The following MACROD2 variants were observed in gnomAD, a reference collection of about 807,000 sequenced individuals.
The protein encoded by MACROD2 is mono-ADP ribosylhydrolase 2.
A neutral mutation model predicts 70.4 loss-of-function variants in MACROD2; 36 were observed. The ratio of observed to expected loss-of-function variants is 0.51; its 90% CI spans 0.39 to 0.68. The LOEUF (loss-of-function observed/expected upper bound fraction) is 0.68. MACROD2 is among the 30% of genes least tolerant of loss of function. MACROD2 has a pLI of 0.00. For missense variants in MACROD2, 496 were observed against 538.4 expected (o/e 0.92, Z 0.78); for synonymous variants, 172 against 178.8 (o/e 0.96, Z 0.30).
chr20:14,573,094 T>C (rs1391042506), intron 4 of MACROD2, among the ~76,000 whole-genome samples: 2 of 151,832 alleles, frequency 1.3e-5, no homozygotes, highest in African/African-American at 4.8e-5. Flanking sequence ...GTGTGTGATA[T>C]GAAGGTGTTG....
At chr20:15,386,139 G>T (rs1023652361) in intron 6 of MACROD2, among the ~76,000 whole-genome samples, 6 of 152,136 alleles carry the variant, frequency 3.9e-5, no homozygotes, top group African/African-American at 1.4e-4. Context: ...TAATTCCTCT[G>T]TTTTTCTTCT....
At chr20:15,332,551 C>T (rs886503582) in intron 6 of MACROD2, among the ~76,000 whole-genome samples, 4 of 151,404 alleles carry the variant, frequency 2.6e-5, no homozygotes, top group Non-Finnish European at 5.9e-5. Flanking sequence ...TACAAATGTA[C>T]AGTATTCACA....
At chr20:15,360,604 A>G (rs1568748133) in intron 6 of MACROD2, among the ~76,000 whole-genome samples, 1 of 152,214 alleles carries the variant, frequency 6.6e-6, no homozygotes, top group East Asian at 1.9e-4. Context: ...TTGCTGCTTC[A>G]TATGATAAGT....
At chr20:15,226,540 C>G (rs1307030428) in intron 5 of MACROD2, among the ~76,000 whole-genome samples, 1 of 151,566 alleles carries the variant, frequency 6.6e-6, no homozygotes, top group East Asian at 1.9e-4. Context: ...TTTAATAAAA[C>G]ATAAATCAAT....
intron 2 of MACROD2, among the ~76,000 whole-genome samples, chr20:14,080,110 G>A (rs1265555953): frequency 6.6e-6 from 1 of 152,086 alleles, no homozygotes; most frequent in Non-Finnish European, 1.5e-5. Flanking sequence ...AAATATGGTA[G>A]TGCTTGGCTT....
chr20:14,852,397 T>C (rs2073209024), intron 5 of MACROD2, among the ~76,000 whole-genome samples: 1 of 151,988 alleles, frequency 6.6e-6, no homozygotes, highest in African/African-American at 2.4e-5. Context: ...CCATAGATCA[T>C]GGGAAAAATT....
intron 5 of MACROD2, among the ~76,000 whole-genome samples, chr20:14,865,530 C>A (rs1422281710): frequency 6.6e-6 from 1 of 151,826 alleles, no homozygotes; most frequent in Admixed American, 6.6e-5. Context: ...TCCTGGAGTT[C>A]GTTATTCTAG....
intron 5 of MACROD2, among the ~76,000 whole-genome samples, chr20:15,110,367 A>G (rs755285409): frequency 5.3e-5 from 8 of 152,172 alleles, no homozygotes; most frequent in Non-Finnish European, 8.8e-5. Flanking sequence ...GTAAAGATCT[A>G]TGTGCGGGAG....
rs753205618 is a variant in MACROD2, at chr20:15,772,084, CAAAAAAA to C, written c.646-90649_646-90643del. Among the ~76,000 whole-genome samples, 619 of 70,686 alleles carry C rather than the reference CAAAAAAA, an allele frequency of 8.8e-3. 7 individuals are homozygous for C. The highest frequency in any genetic ancestry group is 0.029 in the African/African-American group (594 of 20,346). 46.4% of individuals were successfully genotyped at this position (70,686 alleles called of 152,430 possible). A position where few individuals can be genotyped will look rare whatever the true frequency, so the allele number is the denominator to read the frequency against. Reference sequence around the variant, plus strand: ...TGAGCGACAAAGTGAGACTCGGTCTCAAAAAAAAAAAAAAAAAATATATATATATATA... The same window carrying C: ...TGAGCGACAAAGTGAGACTCGGTCTCAAAAAAAAAAATATATATATATATA... On this transcript the variant is annotated intron_variant, in intron 8 of 17. Coordinates refer to ENST00000684519, the MANE Select transcript of MACROD2 (RefSeq NM_001351661.2).
chr20:14,489,423 C>T (rs1043553651), intron 3 of MACROD2, among the ~76,000 whole-genome samples: 1 of 152,160 alleles, frequency 6.6e-6, no homozygotes, highest in Non-Finnish European at 1.5e-5. Flanking sequence ...TTAGCACTTC[C>T]TACTTAAAGA....
At chr20:15,096,929 A>G (rs1037689617) in intron 5 of MACROD2, among the ~76,000 whole-genome samples, 1 of 149,292 alleles carries the variant, frequency 6.7e-6, no homozygotes, top group Non-Finnish European at 1.5e-5. Flanking sequence ...ATCTTACCTC[A>G]GCCTCCCAAG....
rs534877904 is a variant in MACROD2, at chr20:14,713,449, C to G, written c.418+28490C>G. 5.3e-5 allele frequency among the ~76,000 whole-genome samples: 8 copies of G among 152,132 alleles called. No homozygotes were observed. The East Asian group carries it at 1.5e-3, about 29-fold the overall frequency. ...TTTTTTCTTCCTTGGTAAATCCAGA[C>G]TTATCACTGGAGATTCTGGTTCAAA... On this transcript the variant is annotated intron_variant, in intron 5 of 17. Coordinates refer to ENST00000684519, the MANE Select transcript of MACROD2 (RefSeq NM_001351661.2).
intron 8 of MACROD2, among the ~76,000 whole-genome samples, chr20:15,598,997 G>A (rs2146683686): frequency 6.6e-6 from 1 of 152,170 alleles, no homozygotes; most frequent in Non-Finnish European, 1.5e-5. Context: ...AATGCCCAGT[G>A]CTGGAGCCAT....
chr20:14,108,475 TAA>T (rs371559271), intron 3 of MACROD2, among the ~76,000 whole-genome samples: 29 of 98,246 alleles, frequency 3.0e-4, no homozygotes, highest in Non-Finnish European at 2.7e-4. Context: ...GCTAAGTGGA[TAA>T]AAAAAAAAAA....
intron 5 of MACROD2, among the ~76,000 whole-genome samples, chr20:14,892,335 C>G (rs545054327): frequency 6.6e-6 from 1 of 151,930 alleles, no homozygotes; most frequent in African/African-American, 2.4e-5. Flanking sequence ...ATTAGCCGGG[C>G]TTGGTGGTGC....
At chr20:15,884,836 C>A (rs1180634959) in intron 9 of MACROD2, among the ~76,000 whole-genome samples, 2 of 152,066 alleles carry the variant, frequency 1.3e-5, no homozygotes, top group Non-Finnish European at 2.9e-5. Flanking sequence ...AGTCCAAGAT[C>A]AAGGTGCTGG....
intron 1 of MACROD2, among the ~76,000 whole-genome samples, chr20:13,999,698 T>G (rs1254809169): frequency 1.3e-5 from 2 of 152,218 alleles, no homozygotes. Flanking sequence ...GAAGGGAAAC[T>G]GAAACATAAA....
In MACROD2 at chr20:15,812,459, T is replaced by C. The variant is rs555389152; in HGVS notation, c.646-50286T>C. Among the ~76,000 whole-genome samples, 28 of 152,100 alleles carry C rather than the reference T, an allele frequency of 1.8e-4. No homozygotes were observed. In the South Asian group the frequency reaches 5.8e-3, roughly 32 times the overall value. On this transcript the variant is annotated intron_variant, in intron 8 of 17. Coordinates refer to ENST00000684519, the MANE Select transcript of MACROD2 (RefSeq NM_001351661.2). ...TTTTGACTATGGAAGAATACCATAC[T>C]GACAATAAAGAAGGCCCGGAAGGGA...
chr20:14,681,415 C>G (rs78351901), intron 4 of MACROD2, among the ~76,000 whole-genome samples: 5,611 of 152,074 alleles, frequency 0.037, 136 homozygotes, highest in Admixed American at 0.047. Flanking sequence ...TGGAGTATTA[C>G]AAATAAAAAG....
Sources: gnomAD v4.1 joint callset for allele counts (sites outside exome capture counted in the v4.1 genomes callset) on GRCh38, gnomAD v4.1.1 for gene constraint, MANE v1.5 for transcripts, NCBI Gene and HGNC (gene_info 2026-07-23, HGNC 2026-07-21) for gene names.